KCNH7: variants seen among roughly 807,000 people sequenced by gnomAD.
KCNH7 encodes the protein potassium voltage-gated channel subfamily H member 7, also known as voltage-gated inwardly rectifying potassium channel KCNH7.
In KCNH7, 49 loss-of-function variants were observed where a neutral mutation model predicts 120.8. That is an observed-to-expected ratio of 0.41 (90% CI 0.32 to 0.51). The LOEUF is 0.51. Among genes scored for constraint, KCNH7 ranks in the 20% least tolerant of loss-of-function variants. KCNH7 has a pLI of 0.38. For synonymous variants in KCNH7, 547 were observed against 516.1 expected, an observed-to-expected ratio of 1.06 and a Z score of -0.81; for missense variants, 1,097 against 1,446.6, an observed-to-expected ratio of 0.76 and a Z score of 3.92.
intron 2 of KCNH7, among the ~76,000 whole-genome samples, chr2:162,808,300 T>C (rs941172271): frequency 5.3e-5 from 8 of 152,154 alleles, no homozygotes; most frequent in Non-Finnish European, 1.0e-4. Context: ...AACCAGGGGA[T>C]AGGAAGGCCA....
chr2:162,778,034 T>C lies in KCNH7; in HGVS notation c.307+58503A>G, dbSNP rs190172932. ...TGAATGATTCTCCAAATAATAGCAA[T>C]TCAATAAAATTTAAGTTCCTATCTT... On this transcript the variant is annotated intron_variant, in intron 2 of 15. Transcript: ENST00000332142. 5.1e-4 allele frequency among the ~76,000 whole-genome samples: 77 copies of C among 152,134 alleles called. No individual in the cohort carries two copies. In the East Asian group the frequency reaches 0.015, roughly 29 times the overall value.
chr2:162,542,812 A>T (rs1016120732), intron 2 of KCNH7, among the ~76,000 whole-genome samples: 1 of 152,036 alleles, frequency 6.6e-6, no homozygotes, highest in Non-Finnish European at 1.5e-5. Context: ...TCTAGATCCC[A>T]GAGGAATCGC....
At chr2:162,706,146 C>G (rs976216901) in intron 2 of KCNH7, among the ~76,000 whole-genome samples, 1 of 152,042 alleles carries the variant, frequency 6.6e-6, no homozygotes, top group African/African-American at 2.4e-5. Context: ...TGCTGGAGAC[C>G]GTGGTGCTTC....
At chr2:162,397,910 A>C (rs1294718020) in intron 10 of KCNH7, among the ~76,000 whole-genome samples, 1 of 151,840 alleles carries the variant, frequency 6.6e-6, no homozygotes, top group African/African-American at 2.4e-5. Flanking sequence ...AACAGCCAGA[A>C]CTAAATCCCA....
intron 2 of KCNH7, chr2:162,796,027 G>A (rs1684133577): frequency 6.6e-6 from 1 of 152,034 alleles, no homozygotes; most frequent in African/African-American, 2.4e-5. Context: ...GAACAAATGA[G>A]CAGGAAAGTT....
intron 2 of KCNH7, among the ~76,000 whole-genome samples, chr2:162,600,068 C>T (rs1694501386): frequency 6.6e-6 from 1 of 152,084 alleles, no homozygotes; most frequent in South Asian, 2.1e-4. Context: ...AAGGTGCTCA[C>T]CCATCCTGAT....
chr2:162,617,465 C>A (rs541094584), intron 2 of KCNH7, among the ~76,000 whole-genome samples: 27 of 151,454 alleles, frequency 1.8e-4, no homozygotes, highest in Non-Finnish European at 2.6e-4. Flanking sequence ...GGCGACAGAG[C>A]GAGATTCCAT....
In KCNH7 at chr2:162,400,302, T is replaced by C. The variant is rs756713019; in HGVS notation, c.2294A>G (p.His765Arg). 2.5e-6 allele frequency: 4 copies of C among 1,612,512 alleles called. No individual in the cohort carries two copies. The highest frequency in any genetic ancestry group is 3.4e-6 in the Non-Finnish European group (4 of 1,179,030). ...RALAMKFKTT[H>R]APPGDTLVHC... Reference sequence around the variant, plus strand: ...AACGAGGGTGTCTCCTGGAGGTGCATGGGTGGTTTTGAACTTCATTGCCAA... The same window carrying C: ...AACGAGGGTGTCTCCTGGAGGTGCACGGGTGGTTTTGAACTTCATTGCCAA... The change falls in exon 10 of 16, where the codon CAT becomes CGT. Residue 765 changes from histidine (H) to arginine (R), a missense_variant. His to Arg is a conservative substitution (Grantham distance 29, BLOSUM62 0). Transcript: ENST00000332142.
At chr2:162,704,564 T>C (rs1430113231) in intron 2 of KCNH7, among the ~76,000 whole-genome samples, 1 of 152,218 alleles carries the variant, frequency 6.6e-6, no homozygotes, top group Non-Finnish European at 1.5e-5. Flanking sequence ...GCTATTATTT[T>C]TAAATATGTG....
chr2:162,573,561 G>T (rs1693567400), intron 2 of KCNH7, among the ~76,000 whole-genome samples: 1 of 151,860 alleles, frequency 6.6e-6, no homozygotes, highest in African/African-American at 2.4e-5. Flanking sequence ...AGATTCATAA[G>T]ATATGTATTA....
intron 2 of KCNH7, among the ~76,000 whole-genome samples, chr2:162,540,828 A>G (rs1439010022): frequency 6.6e-6 from 1 of 152,108 alleles, no homozygotes. Context: ...CTTATAGAGG[A>G]GGCCAGGATG....
At chr2:162,734,848 G>T (rs1334439970) in intron 2 of KCNH7, among the ~76,000 whole-genome samples, 3 of 152,112 alleles carry the variant, frequency 2.0e-5, no homozygotes, top group South Asian at 2.1e-4. Context: ...TTTAACATAT[G>T]AAAATAGGGA....
At chr2:162,672,445 A>T (rs931717120) in intron 2 of KCNH7, among the ~76,000 whole-genome samples, 4 of 152,040 alleles carry the variant, frequency 2.6e-5, no homozygotes, top group African/African-American at 9.6e-5. Context: ...AACTTTAAAA[A>T]TACTTGAAAA....
intron 2 of KCNH7, among the ~76,000 whole-genome samples, chr2:162,591,431 A>G (rs1574142640): frequency 6.6e-6 from 1 of 152,024 alleles, no homozygotes; most frequent in Non-Finnish European, 1.5e-5. Context: ...AACTATTCCT[A>G]TTCCAGAATT....
rs377226541 is a variant in KCNH7 at position 162,372,030 on chromosome 2, C to A, written c.3390G>T (p.Val1130=). ...LKSKESLSSG[V]HLNTASEDNL... ...TGTCTTCTGAAGCTGTGTTCAGATG[C>A]ACCCCACTTGAAAGGGATTCTTTGG... The change falls in exon 16 of 16, where the codon GTG becomes GTT. Residue 1130 remains valine (V), a synonymous_variant. Coordinates refer to ENST00000332142, the MANE Select transcript of KCNH7 (RefSeq NM_033272.4). 2.5e-6 allele frequency: 4 copies of A among 1,612,202 alleles called. No homozygotes were observed. The highest frequency in any genetic ancestry group is 3.4e-6 in the Non-Finnish European group (4 of 1,178,508).
intron 6 of KCNH7, among the ~76,000 whole-genome samples, chr2:162,491,588 G>T (rs984414386): frequency 6.6e-6 from 1 of 152,198 alleles, no homozygotes; most frequent in Non-Finnish European, 1.5e-5. Context: ...GAAGGAGTCT[G>T]CGTGTAGGTA....
chr2:162,709,821 C>A lies in KCNH7; in HGVS notation c.307+126716G>T, dbSNP rs546399802. Among the ~76,000 whole-genome samples, 7 of 152,268 alleles carry A rather than the reference C, an allele frequency of 4.6e-5. No individual in the cohort carries two copies. In the East Asian group the frequency reaches 1.2e-3, roughly 25 times the overall value. Reference sequence around the variant, plus strand: ...TATCTTCATTAACCTTTAGAAATACCTTTCCTCCCTGAATATTTGTCAAAC... The same window carrying A: ...TATCTTCATTAACCTTTAGAAATACATTTCCTCCCTGAATATTTGTCAAAC... On this transcript the variant is annotated intron_variant, in intron 2 of 15. Transcript: ENST00000332142.
chr2:162,706,821 A>T (rs1018858164), intron 2 of KCNH7, among the ~76,000 whole-genome samples: 2 of 152,142 alleles, frequency 1.3e-5, no homozygotes, highest in African/African-American at 4.8e-5. Flanking sequence ...ATTGCCTCTC[A>T]TACTTAAAAA....
chr2:162,796,416 A>G (rs559844370), intron 2 of KCNH7: 1 of 152,160 alleles, frequency 6.6e-6, no homozygotes, highest in East Asian at 1.9e-4. Flanking sequence ...TGAAGGCACC[A>G]GTGTCTGTTG....
Sources: gnomAD v4.1 joint callset for allele counts (sites outside exome capture counted in the v4.1 genomes callset) on GRCh38, gnomAD v4.1.1 for gene constraint, MANE v1.5 for transcripts, NCBI Gene and HGNC (gene_info 2026-07-23, HGNC 2026-07-21) for gene names.